ADAMTS13: variants seen among roughly 807,000 people sequenced by gnomAD.
The protein encoded by ADAMTS13 is ADAM metallopeptidase with thrombospondin type 1 motif 13.
ADAMTS13 carries 110 observed loss-of-function variants against 155.1 expected under a neutral mutation model. The observed-to-expected ratio is 0.71, with a 90% CI of 0.61 to 0.83. The LOEUF (loss-of-function observed/expected upper bound fraction) is 0.83, where lower values mean the gene tolerates loss of function less well. Ranked by LOEUF, ADAMTS13 falls within the 40% of genes least tolerant of loss-of-function variation. ADAMTS13 has a pLI of 0.00. For synonymous variants in ADAMTS13, 758 were observed against 756.4 expected (o/e 1.00, Z -0.03); for missense variants, 1,707 against 1,891.7 (o/e 0.90, Z 1.81).
intron 28 of ADAMTS13, among the ~76,000 whole-genome samples, 200 bp from the exon 29 acceptor site, chr9:133,458,774 C>T (rs1390702977): frequency 6.6e-6 from 1 of 152,184 alleles, no homozygotes; most frequent in Non-Finnish European, 1.5e-5. Flanking sequence ...CCCGCTCTGG[C>T]ACCCTGACTG....
upstream of ADAMTS13, among the ~76,000 whole-genome samples, chr9:133,417,293 A>G (rs1257431536): frequency 6.6e-6 from 1 of 152,282 alleles, no homozygotes; most frequent in East Asian, 1.9e-4. Flanking sequence ...CTGGGATCAC[A>G]GGCGTGAGGC....
At position 133,436,899 on chromosome 9, in the gene ADAMTS13, C is replaced by G; in HGVS notation, c.1379C>G (p.Ser460Cys). The change falls in exon 12 of 29, where the codon TCC becomes TGC. Residue 460 changes from serine (S) to cysteine (C), a missense_variant. By Grantham distance (112) the Ser-to-Cys change is moderately radical (BLOSUM62 -1). Around this residue, in one of 3 missense-constraint regions of ADAMTS13, gnomAD observed 733 missense variants for 749.6 expected, o/e 0.98. Transcript: ENST00000355699. The part of the protein sequence containing the change: ...CARTDGQPLR[S>C]SPGGASFYHW... The stretch of plus-strand genomic sequence containing the variant: ...AGGACCGACGGCCAGCCGCTGCGCT[C>G]CTCCCCTGGCGGCGCCTCCTTCTAC... 1 of 1,588,462 alleles carries G rather than the reference C, an allele frequency of 6.3e-7. No individual in the cohort carries two copies. Among genetic ancestry groups the G allele is most frequent in the African/African-American group, 1.3e-5 (1 of 74,796 alleles).
At chr9:133,439,527 G>C in intron 15 of ADAMTS13, 81 bp downstream of exon 15, 1 of 1,278,858 alleles carries the variant, frequency 7.8e-7, no homozygotes. Context: ...CCTCACTTCT[G>C]ACATCACCCG....
intron 25 of ADAMTS13, chr9:133,455,747 C>A: frequency 8.6e-7 from 1 of 1,169,258 alleles, no homozygotes. Context: ...CCTCTTTCTC[C>A]CTGGCAAAGC....
In ADAMTS13 at chr9:133,442,104, C is replaced by T. The variant is rs1841711986; in HGVS notation, c.1969-295C>T. Reference sequence around the variant, plus strand: ...TGGTACAGGTCAGTGTTGGTGATTGCTTCCCGTTATTTTTGTCTTTGTTGT... The same window carrying T: ...TGGTACAGGTCAGTGTTGGTGATTGTTTCCCGTTATTTTTGTCTTTGTTGT... On this transcript the variant is annotated intron_variant, in intron 16 of 28. Transcript: ENST00000355699. Among the ~76,000 whole-genome samples, 5 of 152,184 alleles carry T rather than the reference C, an allele frequency of 3.3e-5. No individual in the cohort carries two copies. In the South Asian group the frequency reaches 1.0e-3, roughly 32 times the overall value.
chr9:133,430,073 T>C lies in ADAMTS13; in HGVS notation c.959T>C (p.Val320Ala), dbSNP rs1588160161. ...CGCGTGGCCTTCGGCCCCAAGGCTG[T>C]CGCCTGCACCTTCGCCAGGGAGCAC... ...QCRVAFGPKAVACTFAREHLD... is the reference protein window; with the variant it reads ...QCRVAFGPKAAACTFAREHLD... The change falls in exon 8 of 29, where the codon GTC becomes GCC. Residue 320 changes from valine to alanine, a missense_variant. This residue lies in a region of ADAMTS13 where 733 missense variants were observed against 749.6 expected (regional missense o/e 0.98). Coordinates refer to ENST00000355699, the MANE Select transcript of ADAMTS13 (RefSeq NM_139027.6). 8 of 1,594,522 alleles carry C rather than the reference T, an allele frequency of 5.0e-6. No individual in the cohort carries two copies. Among genetic ancestry groups the C allele is most frequent in the Non-Finnish European group, 6.8e-6 (8 of 1,176,182 alleles).
chr9:133,456,145 G>A lies in ADAMTS13; in HGVS notation c.3477G>A (p.Val1159=). 6.2e-7 allele frequency: 1 copy of A among 1,613,498 alleles called. No homozygotes were observed. The highest frequency in any genetic ancestry group is 1.3e-5 in the African/African-American group (1 of 75,064). Residue 1159 remains valine, a synonymous_variant, in exon 26 of 29, where the codon GTG becomes GTA. Transcript: ENST00000355699. This position sits in a 1 kb window ranked among gnomAD's most constrained non-coding sequence, Gnocchi z 4.4. ...GCCCAGGGCAGGCAGACTGTGCAGT[G>A]GCCATTGGGCGGCCCCTCGGGGAGG... is the stretch of plus-strand genomic sequence containing the variant. ...MRGPGQADCA[V]AIGRPLGEVV...
At chr9:133,443,218 C>G (rs1841809436) in intron 18 of ADAMTS13, among the ~76,000 whole-genome samples, 158 bp from the exon 19 acceptor site, 1 of 152,210 alleles carries the variant, frequency 6.6e-6, no homozygotes, top group Non-Finnish European at 1.5e-5. Context: ...TCCTCAGGCT[C>G]AGCCGTCTGG....
chr9:133,414,971 A>G, intron 1 of ADAMTS13: 6 of 1,601,836 alleles, frequency 3.7e-6, no homozygotes, highest in Non-Finnish European at 5.1e-6. Context: ...AGAGATGACA[A>G]GAGGCTTTTC....
At chr9:133,417,288 A>T (rs902354837), upstream of ADAMTS13, among the ~76,000 whole-genome samples, 1 of 152,236 alleles carries the variant, frequency 6.6e-6, no homozygotes, top group African/African-American at 2.4e-5. Context: ...AAGTGCTGGG[A>T]TCACAGGCGT....
intron 14 of ADAMTS13, among the ~76,000 whole-genome samples, chr9:133,439,026 C>T (rs1294656640): frequency 1.3e-5 from 2 of 152,140 alleles, no homozygotes; most frequent in African/African-American, 4.8e-5. Flanking sequence ...TTGGTAGTTA[C>T]ATTTGGAAAA....
intron 8 of ADAMTS13, among the ~76,000 whole-genome samples, chr9:133,431,834 T>A (rs1554787567): frequency 6.6e-6 from 1 of 152,130 alleles, no homozygotes; most frequent in African/African-American, 2.4e-5. Flanking sequence ...TTTTGTATTT[T>A]TAGTAGAGAT....
chr9:133,442,413 T>C lies in ADAMTS13; in HGVS notation c.1983T>C (p.Tyr661=). The C allele has an allele frequency of 1.2e-6, 2 of 1,613,910 alleles. No homozygotes were observed. Among genetic ancestry groups the C allele is most frequent in the Non-Finnish European group, 8.5e-7 (1 of 1,180,036 alleles). The change falls in exon 17 of 29, where the codon TAT becomes TAC. Residue 661 remains tyrosine (Y), a synonymous_variant. Transcript: ENST00000355699. The part of the protein sequence containing the change: ...EDADIQVYRR[Y]GEEYGNLTRP... ...TTTGTCTGCAGGTTTACAGGCGGTA[T>C]GGCGAGGAGTATGGCAACCTCACCC... is the stretch of plus-strand genomic sequence containing the variant.
intron 7 of ADAMTS13, among the ~76,000 whole-genome samples, chr9:133,429,258 G>T (rs1840537742): frequency 8.5e-6 from 1 of 117,060 alleles, no homozygotes; most frequent in Non-Finnish European, 1.8e-5. Context: ...CAACCCCTGC[G>T]CCCACCGCTC....
Position 133,428,860 on chromosome 9 carries a change from C to T in ADAMTS13, c.824+89C>T, listed in dbSNP as rs144553758. The T allele has an allele frequency of 3.6e-3, 4,170 of 1,154,268 alleles. 6 individuals carry two copies. The highest frequency in any genetic ancestry group is 5.4e-3 in the Middle Eastern group (15 of 2,782). The allele number at this position is 1,154,268 out of a possible 1,614,324, so 71.5% of individuals were successfully genotyped here. ...ACCTCTCTCTACGTCCGTCCCCACT[C>T]CGCATTCAGCCCTCCTTCCTGTCCC... is the stretch of plus-strand genomic sequence containing the variant. On this transcript the variant is annotated intron_variant, in intron 7 of 28. Coordinates refer to ENST00000355699, the MANE Select transcript of ADAMTS13 (RefSeq NM_139027.6).
chr9:133,449,353 A>T (rs1842281670), intron 22 of ADAMTS13, among the ~76,000 whole-genome samples: 1 of 150,420 alleles, frequency 6.6e-6, no homozygotes, highest in Non-Finnish European at 1.5e-5. Context: ...AAAGGGGGAC[A>T]GATAATAATA....
chr9:133,430,122 C>T (rs1554786833), intron 8 of ADAMTS13, 21 bp downstream of exon 8: 1 of 1,563,266 alleles, frequency 6.4e-7, no homozygotes, highest in Non-Finnish European at 8.6e-7. Context: ...CGGCGGTGGC[C>T]TGGGATTGGC....
chr9:133,417,587 G>A (rs2130751331), upstream of ADAMTS13: 1 of 1,603,020 alleles, frequency 6.2e-7, no homozygotes, highest in Non-Finnish European at 8.5e-7. Context: ...AATGAGCTGC[G>A]CAGCGCTCCG....
chr9:133,453,193 T>C (rs587608451), intron 23 of ADAMTS13, among the ~76,000 whole-genome samples: 3 of 152,158 alleles, frequency 2.0e-5, no homozygotes, highest in South Asian at 4.2e-4. Context: ...TCCCAGCACT[T>C]TGGGAGGCGA....
Sources: allele counts gnomAD v4.1 joint callset (sites outside exome capture counted in the v4.1 genomes callset), GRCh38; gene constraint gnomAD v4.1.1; regional missense constraint gnomAD v4.1.1; non-coding constraint Gnocchi (gnomAD v3.1); transcripts MANE v1.5; gene names NCBI Gene and HGNC (gene_info 2026-07-23, HGNC 2026-07-21).